Variants in ZNF804B observed in about 807,000 individuals in gnomAD.
ZNF804B encodes zinc finger 804B.
A neutral mutation model predicts 101.4 loss-of-function variants in ZNF804B; 80 were observed. The ratio of observed to expected loss-of-function variants is 0.79; its 90% CI spans 0.66 to 0.95. The LOEUF is 0.95. ZNF804B is among the 40% of genes least tolerant of loss of function. ZNF804B has a pLI of 0.00. For missense variants in ZNF804B, 1,673 were observed against 1,561.9 expected (o/e 1.07, Z -1.20); for synonymous variants, 622 against 558.8 (o/e 1.11, Z -1.59).
At chr7:88,978,331 G>A (rs1039280645) in intron 1 of ZNF804B, among the ~76,000 whole-genome samples, 3 of 151,606 alleles carry the variant, frequency 2.0e-5, no homozygotes, top group African/African-American at 4.8e-5. Flanking sequence ...GTTGGTCTTC[G>A]TCTATTATTG....
rs532916468 is a variant in ZNF804B, at chr7:89,016,463, G to A, written c.109-201692G>A. 3.3e-5 allele frequency among the ~76,000 whole-genome samples: 5 copies of A among 151,526 alleles called. No individual in the cohort carries two copies. In the East Asian group the frequency reaches 9.7e-4, roughly 29 times the overall value. Reference sequence around the variant, plus strand: ...CTAGGTTTTCTTCTAGGGTTTTTATGGTTTTAGGTCTAACGTTTAAGTCTT... The same window carrying A: ...CTAGGTTTTCTTCTAGGGTTTTTATAGTTTTAGGTCTAACGTTTAAGTCTT... On this transcript the variant is annotated intron_variant, in intron 1 of 3. Coordinates refer to ENST00000333190, the MANE Select transcript of ZNF804B (RefSeq NM_181646.5).
chr7:88,805,252 G>A (rs779104508), intron 1 of ZNF804B, among the ~76,000 whole-genome samples: 90 of 152,092 alleles, frequency 5.9e-4, no homozygotes, highest in Non-Finnish European at 1.1e-3. Flanking sequence ...CTAGAATTTA[G>A]AACTTTAAAA....
intron 1 of ZNF804B, among the ~76,000 whole-genome samples, chr7:89,135,491 A>G (rs1004262213): frequency 4.6e-5 from 7 of 152,070 alleles, no homozygotes; most frequent in Non-Finnish European, 8.8e-5. Context: ...ACTTTAAAAC[A>G]TTATAATTGA....
intron 2 of ZNF804B, among the ~76,000 whole-genome samples, chr7:89,297,330 T>A (rs374580344): frequency 2.0e-5 from 3 of 152,050 alleles, no homozygotes; most frequent in East Asian, 1.9e-4. Flanking sequence ...AGGCAACTGG[T>A]CTTGCTGTCT....
intron 1 of ZNF804B, among the ~76,000 whole-genome samples, chr7:89,157,941 A>G (rs1791001340): frequency 6.6e-6 from 1 of 152,196 alleles, no homozygotes; most frequent in Non-Finnish European, 1.5e-5. Context: ...TTCTTGCTCA[A>G]ATATACTTGG....
chr7:89,134,116 C>T (rs1030335266), intron 1 of ZNF804B, among the ~76,000 whole-genome samples: 28 of 152,092 alleles, frequency 1.8e-4, no homozygotes, highest in Admixed American at 1.6e-3. Context: ...CCAACAAAAA[C>T]AAATAAGCAA....
chr7:89,009,272 ATTC>A (rs1444386204), intron 1 of ZNF804B, among the ~76,000 whole-genome samples: 2 of 152,014 alleles, frequency 1.3e-5, no homozygotes, highest in Non-Finnish European at 2.9e-5. Context: ...GTTATCCTTT[ATTC>A]TTGATTTCTA....
chr7:89,068,635 G>A (rs975954283), intron 1 of ZNF804B, among the ~76,000 whole-genome samples: 4 of 152,120 alleles, frequency 2.6e-5, no homozygotes, highest in South Asian at 2.1e-4. Context: ...CATTATAAAC[G>A]GGAGATGCTA....
At chr7:89,311,417 C>CT (rs959279457) in intron 2 of ZNF804B, among the ~76,000 whole-genome samples, 6 of 151,254 alleles carry the variant, frequency 4.0e-5, no homozygotes, top group African/African-American at 9.7e-5. Context: ...GGAATCTTTC[C>CT]TTTTTTTTTC....
At chr7:89,239,938 G>A (rs1321975215) in intron 2 of ZNF804B, among the ~76,000 whole-genome samples, 6 of 151,204 alleles carry the variant, frequency 4.0e-5, no homozygotes, top group Non-Finnish European at 8.8e-5. Context: ...GTTTAATATT[G>A]GGCAAATACA....
chr7:88,826,514 A>G (rs546940799), intron 1 of ZNF804B, among the ~76,000 whole-genome samples: 46 of 152,268 alleles, frequency 3.0e-4, no homozygotes, highest in Non-Finnish European at 4.3e-4. Context: ...AATGATAATG[A>G]CTTCAGCAGG....
intron 1 of ZNF804B, among the ~76,000 whole-genome samples, chr7:88,766,649 T>A (rs1177342282): frequency 6.6e-6 from 1 of 152,212 alleles, no homozygotes; most frequent in African/African-American, 2.4e-5. Context: ...CTGTTCCTAG[T>A]CCAGCTCTGA....
Position 88,759,806 on chromosome 7 carries a change from G to T in ZNF804B, c.-171G>T, listed in dbSNP as rs1420516827. On this transcript the variant is annotated 5_prime_UTR_variant, in exon 1 of 4. Transcript: ENST00000333190. ...AGAGCAGCAGCTGTCGGCAGCAGGA[G>T]CCCCGCACGGGGCGCGGAGCAGGGA... The T allele has an allele frequency of 3.3e-6, 2 of 609,666 alleles. No individual in the cohort carries two copies. The highest frequency in any genetic ancestry group is 5.8e-6 in the Non-Finnish European group (2 of 343,374). 37.8% of individuals were successfully genotyped at this position (609,666 alleles called of 1,614,324 possible).
At chr7:88,983,916 T>A (rs1396518603) in intron 1 of ZNF804B, among the ~76,000 whole-genome samples, 1 of 152,100 alleles carries the variant, frequency 6.6e-6, no homozygotes, top group African/African-American at 2.4e-5. Context: ...ATGCTATATC[T>A]GACAAATCTT....
At chr7:89,006,987 A>C (rs1457848248) in intron 1 of ZNF804B, among the ~76,000 whole-genome samples, 1 of 152,086 alleles carries the variant, frequency 6.6e-6, no homozygotes, top group Non-Finnish European at 1.5e-5. Context: ...GTTGGCCTCC[A>C]TCGTCTTCCA....
chr7:88,766,965 T>G (rs1296440989), intron 1 of ZNF804B, among the ~76,000 whole-genome samples: 1 of 152,232 alleles, frequency 6.6e-6, no homozygotes, highest in Non-Finnish European at 1.5e-5. Flanking sequence ...TGTGTGGGTG[T>G]AAGAGGCAGA....
At chr7:88,921,482 T>C (rs535303281) in intron 1 of ZNF804B, among the ~76,000 whole-genome samples, 7 of 152,282 alleles carry the variant, frequency 4.6e-5, no homozygotes, top group African/African-American at 1.7e-4. Context: ...TTCTATTGTA[T>C]GTACAAATAA....
rs1791072052 is a variant in ZNF804B at position 89,335,783 on chromosome 7, C to G, written c.2801C>G (p.Ala934Gly). Residue 934 changes from alanine to glycine, a missense_variant, in exon 4 of 4, where the codon GCC becomes GGC. Coordinates refer to ENST00000333190, the MANE Select transcript of ZNF804B (RefSeq NM_181646.5). ...TAKILLERVQ[A>G]KKCQEQSSNV... is the part of the protein sequence containing the mutation. Reference sequence around the variant, plus strand: ...AAAATCCTTTTAGAAAGAGTACAAGCCAAGAAATGTCAAGAACAATCAAGT... The same window carrying G: ...AAAATCCTTTTAGAAAGAGTACAAGGCAAGAAATGTCAAGAACAATCAAGT... 6.2e-7 allele frequency: 1 copy of G among 1,613,836 alleles called. No homozygotes were observed. Among genetic ancestry groups the G allele is most frequent in the African/African-American group, 1.3e-5 (1 of 74,862 alleles).
At chr7:88,762,751 A>G (rs1394628264) in intron 1 of ZNF804B, among the ~76,000 whole-genome samples, 1 of 150,672 alleles carries the variant, frequency 6.6e-6, no homozygotes, top group Non-Finnish European at 1.5e-5. Context: ...ATTGACCTTT[A>G]CATCAATGAC....
Sources: allele counts gnomAD v4.1 joint callset (sites outside exome capture counted in the v4.1 genomes callset), GRCh38; gene constraint gnomAD v4.1.1; transcripts MANE v1.5; gene names NCBI Gene and HGNC (gene_info 2026-07-23, HGNC 2026-07-21).